ARHGEF6: variants seen among roughly 807,000 people sequenced by gnomAD.
ARHGEF6 encodes the protein rho guanine nucleotide exchange factor 6.
A neutral mutation model predicts 70.3 loss-of-function variants in ARHGEF6; 9 were observed. The ratio of observed to expected loss-of-function variants is 0.13; its 90% confidence interval spans 0.08 to 0.22. ARHGEF6 has a LOEUF of 0.22. Among genes scored for constraint, ARHGEF6 ranks in the 10% least tolerant of loss-of-function variants. ARHGEF6 has a pLI of 1.00. For synonymous variants in ARHGEF6, 201 were observed against 207.8 expected, an observed-to-expected ratio of 0.97 and a Z score of 0.28; for missense variants, 470 against 563.0, an observed-to-expected ratio of 0.83 and a Z score of 1.67.
chrX:136,668,185 A>C lies in ARHGEF6; in HGVS notation c.2191-16T>G, dbSNP rs1378692125. On this transcript the variant is annotated splice_polypyrimidine_tract_variant and intron_variant, in intron 21 of 21. Coordinates refer to ENST00000250617, the MANE Select transcript of ARHGEF6 (RefSeq NM_004840.3). Reference sequence around the variant, plus strand: ...TTTTATTTTCCTATGATGGGGAAAGATTTGTTGATTATCAAACAGAGGGGG... The same window carrying C: ...TTTTATTTTCCTATGATGGGGAAAGCTTTGTTGATTATCAAACAGAGGGGG... The C allele has an allele frequency of 2.0e-5, 24 of 1,210,311 alleles. No individual in the cohort carries two copies. The highest frequency in any genetic ancestry group is 2.7e-5 in the Non-Finnish European group (24 of 894,985).
At chrX:136,760,048 C>T (rs763362888) in intron 2 of ARHGEF6, among the ~76,000 whole-genome samples, 5 of 112,130 alleles carry the variant, frequency 4.5e-5, no homozygotes, top group African/African-American at 9.7e-5. Flanking sequence ...TGGAGCTAAT[C>T]GGACAGATAT....
At chrX:136,719,135 T>C (rs972905597) in intron 6 of ARHGEF6, among the ~76,000 whole-genome samples, 7 of 108,722 alleles carry the variant, frequency 6.4e-5, no homozygotes, top group African/African-American at 2.3e-4. Context: ...AGAAAATCAG[T>C]AAGGACATAC....
At chrX:136,753,535 A>G (rs1416297900) in intron 2 of ARHGEF6, among the ~76,000 whole-genome samples, 1 of 111,800 alleles carries the variant, frequency 8.9e-6, no homozygotes, top group Non-Finnish European at 1.9e-5. Flanking sequence ...TCAGGTCTTC[A>G]GTTCTCAAGG....
intron 20 of ARHGEF6, among the ~76,000 whole-genome samples, chrX:136,671,658 A>T (rs745758449): frequency 3.4e-4 from 38 of 112,447 alleles, no homozygotes; most frequent in African/African-American, 1.2e-3. Flanking sequence ...TGTGAGTGGC[A>T]TCTCTCCGGG....
chrX:136,687,840 C>T (rs1307009212), intron 11 of ARHGEF6, 92 bp downstream of exon 11: 7 of 782,236 alleles, frequency 8.9e-6, no homozygotes, highest in Non-Finnish European at 9.9e-6. Context: ...TTCTAAAGAC[C>T]TTTGTATAGG....
chrX:136,711,467 A>G (rs1332414750), intron 7 of ARHGEF6, among the ~76,000 whole-genome samples: 1 of 112,187 alleles, frequency 8.9e-6, no homozygotes, highest in East Asian at 2.8e-4. Flanking sequence ...ACTAGACCCA[A>G]TGATTTACAG....
At chrX:136,711,363 G>C (rs1383301604) in intron 7 of ARHGEF6, among the ~76,000 whole-genome samples, 1 of 110,886 alleles carries the variant, frequency 9.0e-6, no homozygotes. Context: ...GCTCCAGCCT[G>C]GCCATGTACT....
At chrX:136,753,972 T>C (rs936676985) in intron 2 of ARHGEF6, among the ~76,000 whole-genome samples, 2 of 111,994 alleles carry the variant, frequency 1.8e-5, no homozygotes, top group Non-Finnish European at 3.8e-5. Flanking sequence ...ATAACTAATA[T>C]GGACTCCTAG....
chrX:136,681,187 G>C (rs1177671052), intron 14 of ARHGEF6, among the ~76,000 whole-genome samples: 1 of 112,345 alleles, frequency 8.9e-6, no homozygotes, highest in Non-Finnish European at 1.9e-5. Context: ...AGTCCATCTA[G>C]TTAAGTCTAA....
At position 136,745,353 on chromosome X, in the gene ARHGEF6, A is replaced by G. The variant is rs1348769549; in HGVS notation, c.335-6T>C. ...TGGTCTTTCTGATAGCTGATCTGTG[A>G]AAAGAGGAAAAGGCATGTTAAAGGA... On this transcript the variant is annotated splice_polypyrimidine_tract_variant and splice_region_variant and intron_variant, in intron 3 of 21. Coordinates refer to ENST00000250617, the MANE Select transcript of ARHGEF6 (RefSeq NM_004840.3). 2 of 1,211,022 alleles carry G rather than the reference A, an allele frequency of 1.7e-6. No homozygotes were observed. The highest frequency in any genetic ancestry group is 3.5e-5 in the African/African-American group (2 of 57,765).
At chrX:136,708,075 G>T (rs2076644993) in intron 8 of ARHGEF6, among the ~76,000 whole-genome samples, 1 of 111,827 alleles carries the variant, frequency 8.9e-6, no homozygotes, top group South Asian at 3.7e-4. Context: ...GAAACTGAAT[G>T]AATCATTTGA....
At position 136,687,961 on chromosome X, in the gene ARHGEF6, T is replaced by C. The variant is rs887745729; in HGVS notation, c.1216A>G (p.Lys406Glu). The change falls in exon 11 of 22, where the codon AAA becomes GAA. Residue 406 changes from lysine (K) to glutamate (E), a missense_variant. Lys to Glu is a moderately conservative substitution (Grantham distance 56). This residue lies in a region of ARHGEF6 where 379 missense variants were observed against 449.3 expected (regional missense o/e 0.84). Transcript: ENST00000250617. The stretch of plus-strand genomic sequence containing the variant: ...AGAGTTTTGAATGCTACGATTGCTT[T>C]CAGAATATCCTGATGATCTGGATGA... ...DTHPDHQDIL[K>E]AIVAFKTLMG... 1 of 1,206,942 alleles carries C rather than the reference T, an allele frequency of 8.3e-7. No individual in the cohort carries two copies. The highest frequency in any genetic ancestry group is 1.1e-6 in the Non-Finnish European group (1 of 890,861).
At chrX:136,676,883 A>G in intron 17 of ARHGEF6, 166 bp from the exon 18 acceptor site, 2 of 461,849 alleles carry the variant, frequency 4.3e-6, no homozygotes, top group South Asian at 2.9e-5. Flanking sequence ...AATAAACTCT[A>G]AAAGGTTAAA....
At chrX:136,755,343 G>C (rs1220417320) in intron 2 of ARHGEF6, among the ~76,000 whole-genome samples, 1 of 111,685 alleles carries the variant, frequency 9.0e-6, no homozygotes, top group African/African-American at 3.3e-5. Flanking sequence ...AGTGATGAGA[G>C]AATCAAGGTA....
At chrX:136,732,248 CATACT>C in intron 5 of ARHGEF6, 76 bp from the exon 6 acceptor site, 1 of 765,600 alleles carries the variant, frequency 1.3e-6, no homozygotes, top group East Asian at 3.4e-5. Flanking sequence ...GGTCAACTAA[CATACT>C]ATAAAGATTC....
chrX:136,714,176 G>A (rs1011434820), intron 6 of ARHGEF6, among the ~76,000 whole-genome samples: 2 of 111,619 alleles, frequency 1.8e-5, no homozygotes, highest in African/African-American at 6.5e-5. Context: ...GAATCCTATA[G>A]GCAAAACAAC....
chrX:136,696,820 G>C (rs747377257), intron 9 of ARHGEF6, among the ~76,000 whole-genome samples: 1 of 109,664 alleles, frequency 9.1e-6, no homozygotes, highest in Non-Finnish European at 1.9e-5. Flanking sequence ...GCTCCATTCC[G>C]GGCAACTGTG....
chrX:136,724,484 G>GTTGTGTGT (rs888510580), intron 6 of ARHGEF6, among the ~76,000 whole-genome samples: 53 of 110,263 alleles, frequency 4.8e-4, no homozygotes, highest in African/African-American at 1.6e-3. Flanking sequence ...TTTATTTTTT[G>GTTGTGTGT]TTGTGTGTTT....
At chrX:136,727,325 T>TTCTTTC (rs1556284733) in intron 6 of ARHGEF6, among the ~76,000 whole-genome samples, 7 of 61,088 alleles carry the variant, frequency 1.1e-4, no homozygotes, top group Non-Finnish European at 1.9e-4. Flanking sequence ...CTTTCTTTCT[T>TTCTTTC]TTTCTTTCTT....
Sources: gnomAD v4.1 joint callset for allele counts (sites outside exome capture counted in the v4.1 genomes callset) on GRCh38, gnomAD v4.1.1 for gene constraint, gnomAD v4.1.1 regional missense constraint, MANE v1.5 for transcripts, NCBI Gene and HGNC (gene_info 2026-07-23, HGNC 2026-07-21) for gene names.